Variants in RERE observed in about 807,000 individuals in gnomAD.
RERE encodes the protein arginine-glutamic acid dipeptide repeats protein.
RERE carries 40 observed loss-of-function variants against 146.1 expected under a neutral mutation model. The ratio of observed to expected loss-of-function variants is 0.27; its 90% CI spans 0.21 to 0.36. RERE has a LOEUF of 0.36. Ranked by LOEUF, RERE falls within the 10% of genes least tolerant of loss-of-function variation. The pLI is 1.00. For missense variants in RERE, 1,933 were observed against 2,138.7 expected, an observed-to-expected ratio of 0.90 and a Z score of 1.90; for synonymous variants, 1,003 against 866.0, an observed-to-expected ratio of 1.16 and a Z score of -2.78.
At chr1:8,608,434 G>C (rs1056486224) in intron 4 of RERE, among the ~76,000 whole-genome samples, 2 of 152,128 alleles carry the variant, frequency 1.3e-5, no homozygotes, top group African/African-American at 4.8e-5. Context: ...AGCCCAGGAG[G>C]TTGGGGCTGC....
At chr1:8,634,430 T>A (rs1647071472) in intron 2 of RERE, among the ~76,000 whole-genome samples, 1 of 152,234 alleles carries the variant, frequency 6.6e-6, no homozygotes, top group African/African-American at 2.4e-5. Context: ...CACAGAAGAC[T>A]GTGCTCTTGT....
At chr1:8,355,260 A>AACACCT in intron 22 of RERE, 140 bp from the exon 23 acceptor site, 1 of 1,139,176 alleles carries the variant, frequency 8.8e-7, no homozygotes, top group Non-Finnish European at 1.3e-6. Flanking sequence ...CTACCCTCCC[A>AACACCT]ACACCTCCCT....
intron 1 of RERE, among the ~76,000 whole-genome samples, chr1:8,728,230 A>C (rs1419877370): frequency 6.6e-6 from 1 of 152,248 alleles, no homozygotes; most frequent in Non-Finnish European, 1.5e-5. Context: ...TGCAATAAGC[A>C]ATGTGCTAAG....
intron 1 of RERE, among the ~76,000 whole-genome samples, chr1:8,768,047 T>C (rs1640881274): frequency 6.6e-6 from 1 of 152,150 alleles, no homozygotes. Flanking sequence ...GGTGGACAGA[T>C]ACAGAAGGAC....
chr1:8,641,679 G>A (rs1463788412), intron 2 of RERE, among the ~76,000 whole-genome samples: 2 of 152,192 alleles, frequency 1.3e-5, no homozygotes, highest in African/African-American at 4.8e-5. Flanking sequence ...AAGGTCTTCT[G>A]AAGGCTGTCA....
chr1:8,458,171 C>T (rs1315193670), intron 11 of RERE, among the ~76,000 whole-genome samples: 1 of 152,132 alleles, frequency 6.6e-6, no homozygotes, highest in African/African-American at 2.4e-5. Flanking sequence ...CCATCCTCTT[C>T]GTTTATAAAA....
intron 10 of RERE, among the ~76,000 whole-genome samples, chr1:8,470,813 C>CTTTTTTTTTTTTT (rs71580028): frequency 1.3e-5 from 1 of 74,554 alleles, no homozygotes; most frequent in Non-Finnish European, 2.3e-5. Flanking sequence ...AAAGAAATAC[C>CTTTTTTTTTTTTT]TTTTTTTTTT....
chr1:8,680,673 A>T (rs1638944192), intron 1 of RERE, among the ~76,000 whole-genome samples: 1 of 152,182 alleles, frequency 6.6e-6, no homozygotes, highest in Admixed American at 6.5e-5. Context: ...GAAAAGTAAC[A>T]TCTATGTTTA....
At chr1:8,481,001 A>G (rs1644826743) in intron 10 of RERE, among the ~76,000 whole-genome samples, 1 of 152,248 alleles carries the variant, frequency 6.6e-6, no homozygotes, top group African/African-American at 2.4e-5. Flanking sequence ...GAATCACATC[A>G]CATTCCTCAG....
chr1:8,597,714 T>C (rs375410390), intron 4 of RERE, among the ~76,000 whole-genome samples: 10 of 152,256 alleles, frequency 6.6e-5, no homozygotes, highest in African/African-American at 1.9e-4. Flanking sequence ...AAACAAGATC[T>C]GATCTGGACA....
At chr1:8,523,547 T>C (rs1162330206) in intron 7 of RERE, among the ~76,000 whole-genome samples, 1 of 152,186 alleles carries the variant, frequency 6.6e-6, no homozygotes, top group African/African-American at 2.4e-5. Context: ...TAACTTCCCA[T>C]GTGCTGTTCC....
At chr1:8,643,997 A>G (rs958684694) in intron 2 of RERE, among the ~76,000 whole-genome samples, 1 of 152,196 alleles carries the variant, frequency 6.6e-6, no homozygotes, top group African/African-American at 2.4e-5. Context: ...GAACCAGCAT[A>G]AAGTGCACAT....
rs1371929879 is a variant in RERE, at chr1:8,401,023, A to T, written c.1284+21704T>A. On this transcript the variant is annotated intron_variant, in intron 12 of 22. Coordinates refer to ENST00000400908, the MANE Select transcript of RERE (RefSeq NM_001042681.2). Reference sequence around the variant, plus strand: ...ACACAGTGAGACTCTGTCTCAAAAAAAAAAAAAAAAAAACCATATATATAT... The same window carrying T: ...ACACAGTGAGACTCTGTCTCAAAAATAAAAAAAAAAAAACCATATATATAT... Among the ~76,000 whole-genome samples, 2 of 75,578 alleles carry T rather than the reference A, an allele frequency of 2.6e-5. 1 individual carries two copies. The highest frequency in any genetic ancestry group is 5.2e-5 in the Non-Finnish European group (2 of 38,124). The allele number at this position is 75,578 out of a possible 152,430, so 49.6% of individuals were successfully genotyped here.
At chr1:8,409,839 G>C (rs1643562887) in intron 12 of RERE, among the ~76,000 whole-genome samples, 3 of 152,128 alleles carry the variant, frequency 2.0e-5, no homozygotes, top group African/African-American at 7.2e-5. Context: ...CCCTCTCCCA[G>C]GAGCAAAGAG....
chr1:8,552,690 A>G (rs1645950272), intron 6 of RERE, among the ~76,000 whole-genome samples: 1 of 152,228 alleles, frequency 6.6e-6, no homozygotes, highest in Non-Finnish European at 1.5e-5. Context: ...AAAGAGAACA[A>G]ACAGAGACTG....
Position 8,361,008 on chromosome 1 carries a change from C to T in RERE, c.2499G>A (p.Ala833=), listed in dbSNP as rs777000880. The change falls in exon 18 of 23, where the codon GCG becomes GCA. Residue 833 remains alanine, a synonymous_variant. Transcript: ENST00000400908. The stretch of plus-strand genomic sequence containing the variant: ...CATGAGAGGGTGCAGAAGGCTGGCC[C>T]GCCGACCCAGTCAGAGGCTGCAGCG... The part of the protein sequence containing the change: ...HPPLQPLTGS[A]GQPSAPSHAQ... 54 of 1,434,510 alleles carry T rather than the reference C, an allele frequency of 3.8e-5. No homozygotes were observed. The South Asian group carries it at 4.6e-4, about 12-fold the overall frequency. The allele number at this position is 1,434,510 out of a possible 1,614,324, so 88.9% of individuals were successfully genotyped here.
chr1:8,402,602 T>C (rs1643299770), intron 12 of RERE, among the ~76,000 whole-genome samples: 1 of 152,220 alleles, frequency 6.6e-6, no homozygotes, highest in Non-Finnish European at 1.5e-5. Context: ...CACCATGTAG[T>C]ACTTTTTATA....
intron 1 of RERE, among the ~76,000 whole-genome samples, chr1:8,736,503 G>C (rs775797194): frequency 4.6e-5 from 7 of 151,956 alleles, no homozygotes; most frequent in Admixed American, 2.0e-4. Context: ...CACCGCGCCC[G>C]GCCTATACTT....
chr1:8,459,053 T>C, intron 11 of RERE, among the ~76,000 whole-genome samples: 1 of 152,246 alleles, frequency 6.6e-6, no homozygotes, highest in East Asian at 1.9e-4. Context: ...AATTGATTTT[T>C]AATTTGCTGT....
Sources: gnomAD v4.1 joint callset for allele counts (sites outside exome capture counted in the v4.1 genomes callset) on GRCh38, gnomAD v4.1.1 for gene constraint, MANE v1.5 for transcripts, NCBI Gene and HGNC (gene_info 2026-07-23, HGNC 2026-07-21) for gene names.